The following ZNF385D variants were observed in gnomAD, a reference collection of about 807,000 sequenced individuals.
ZNF385D encodes zinc finger protein 385D.
Under a neutral mutation model 35.8 loss-of-function variants are expected in ZNF385D, and 15 were observed. The observed-to-expected ratio is 0.42, with a 90% CI of 0.28 to 0.64. ZNF385D has a LOEUF of 0.64. Ranked by LOEUF, ZNF385D falls within the 30% of genes least tolerant of loss-of-function variation. The pLI is 0.23. For synonymous variants in ZNF385D, 212 were observed against 186.8 expected (o/e 1.13, Z -1.10); for missense variants, 474 against 494.6 (o/e 0.96, Z 0.39).
Position 22,180,914 on chromosome 3 carries a change from C to CTTTTTTTTTTTTTTTTTTTTT in ZNF385D, c.107-11880_107-11879insAAAAAAAAAAAAAAAAAAAAA, listed in dbSNP as rs61668943. On this transcript the variant is annotated intron_variant, in intron 2 of 5. Coordinates refer to the ZNF385D transcript ENST00000494108. ...AATCCAGTAGCTATATGCTTTTGTTCTTTTTTTTTTTTTTTTAAGAGACAG... is the reference window on the plus strand; with the variant it reads ...AATCCAGTAGCTATATGCTTTTGTTCTTTTTTTTTTTTTTTTTTTTTTTTTTTTTTTTTTTTTAAGAGACAG... Among the ~76,000 whole-genome samples, 84 of 112,888 alleles carry CTTTTTTTTTTTTTTTTTTTTT rather than the reference C, an allele frequency of 7.4e-4. 4 individuals are homozygous for CTTTTTTTTTTTTTTTTTTTTT. The highest frequency in any genetic ancestry group is 9.9e-4 in the Non-Finnish European group (59 of 59,330). 74.1% of individuals were successfully genotyped at this position (112,888 alleles called of 152,430 possible).
intron 3 of ZNF385D, among the ~76,000 whole-genome samples, chr3:22,108,285 C>G (rs930891760): frequency 6.6e-6 from 1 of 152,030 alleles, no homozygotes; most frequent in Non-Finnish European, 1.5e-5. Context: ...CAATTTTGGT[C>G]AGAACATCTG....
intron 4 of ZNF385D, among the ~76,000 whole-genome samples, chr3:21,487,241 T>G (rs1431853138): frequency 6.6e-6 from 1 of 152,132 alleles, no homozygotes; most frequent in African/African-American, 2.4e-5. Flanking sequence ...CTCTTTAACA[T>G]TCCATAAAAT....
At chr3:22,107,147 C>T (rs549533984) in intron 3 of ZNF385D, among the ~76,000 whole-genome samples, 5 of 151,368 alleles carry the variant, frequency 3.3e-5, no homozygotes, top group Middle Eastern at 3.4e-3. Context: ...GCCTCAGCCC[C>T]GGAGTAGCTG....
At chr3:22,008,360 C>CATT (rs773952386) in intron 3 of ZNF385D, among the ~76,000 whole-genome samples, 8 of 131,934 alleles carry the variant, frequency 6.1e-5, no homozygotes, top group Admixed American at 1.5e-4. Flanking sequence ...CCATGATTTT[C>CATT]TTTTTTTTTT....
At chr3:21,569,383 AC>A (rs1459277730) in intron 2 of ZNF385D, among the ~76,000 whole-genome samples, 1 of 149,724 alleles carries the variant, frequency 6.7e-6, no homozygotes, top group Non-Finnish European at 1.5e-5. Context: ...TAGGATTGCA[AC>A]CCCTGCCTTT....
chr3:22,013,910 TC>T (rs1229192334), intron 3 of ZNF385D, among the ~76,000 whole-genome samples: 1 of 152,076 alleles, frequency 6.6e-6, no homozygotes, highest in Non-Finnish European at 1.5e-5. Context: ...ACAAAGCTCT[TC>T]AAGAATGCTG....
intron 3 of ZNF385D, among the ~76,000 whole-genome samples, chr3:22,164,145 T>C (rs888975549): frequency 1.3e-5 from 2 of 151,192 alleles, no homozygotes; most frequent in East Asian, 2.0e-4. Context: ...ATTTATGGCA[T>C]ATAACTAGGC....
intron 3 of ZNF385D, among the ~76,000 whole-genome samples, chr3:21,852,136 T>C (rs975411889): frequency 6.6e-6 from 1 of 152,064 alleles, no homozygotes; most frequent in Non-Finnish European, 1.5e-5. Flanking sequence ...ATAGTTTTTA[T>C]GAGCATCGGG....
At chr3:22,031,901 C>G (rs1407830838) in intron 3 of ZNF385D, among the ~76,000 whole-genome samples, 2 of 152,176 alleles carry the variant, frequency 1.3e-5, no homozygotes, top group South Asian at 4.1e-4. Flanking sequence ...TCAGAATCAG[C>G]TAGGCCATAT....
intron 3 of ZNF385D, among the ~76,000 whole-genome samples, chr3:22,116,510 G>C (rs1043680969): frequency 2.0e-5 from 3 of 152,032 alleles, no homozygotes; most frequent in African/African-American, 7.2e-5. Context: ...TGTAGTAAAA[G>C]TGGGTGAAGA....
At chr3:21,882,184 C>T (rs1489921013) in intron 3 of ZNF385D, among the ~76,000 whole-genome samples, 4 of 152,120 alleles carry the variant, frequency 2.6e-5, no homozygotes, top group African/African-American at 9.6e-5. Context: ...AAAATGCTAT[C>T]AAACAGCATT....
At chr3:21,909,062 G>C (rs1451643943) in intron 3 of ZNF385D, among the ~76,000 whole-genome samples, 5 of 151,868 alleles carry the variant, frequency 3.3e-5, no homozygotes, top group African/African-American at 2.4e-5. Flanking sequence ...TTTCTCTGAA[G>C]GTCTAAACAA....
chr3:22,192,082 C>G (rs753241444), intron 2 of ZNF385D, among the ~76,000 whole-genome samples: 2 of 152,126 alleles, frequency 1.3e-5, no homozygotes, highest in South Asian at 2.1e-4. Flanking sequence ...TCAAGTGATT[C>G]TTTCAACGAT....
Position 21,603,566 on chromosome 3 carries a change from A to AAT in ZNF385D, c.166-38884_166-38883dup, listed in dbSNP as rs539934020. On this transcript the variant is annotated intron_variant, in intron 2 of 7. Coordinates refer to ENST00000281523, the MANE Select transcript of ZNF385D (RefSeq NM_024697.3). Reference sequence around the variant, plus strand: ...ATAATGAGCTAGTTCTCTATAAGGTAATATATAATAACTCTAAACAAGTGA... The same window carrying AAT: ...ATAATGAGCTAGTTCTCTATAAGGTAATATATATAATAACTCTAAACAAGTGA... Among the ~76,000 whole-genome samples the AAT allele has an allele frequency of 1.5e-3, 236 of 152,346 alleles. 1 individual carries two copies. The highest frequency in any genetic ancestry group is 5.3e-3 in the African/African-American group (219 of 41,594).
At chr3:21,898,283 A>AC (rs1699236211) in intron 3 of ZNF385D, among the ~76,000 whole-genome samples, 1 of 151,640 alleles carries the variant, frequency 6.6e-6, no homozygotes, top group Admixed American at 6.6e-5. Context: ...CGCTAATAAA[A>AC]CCCCCCTGAG....
intron 3 of ZNF385D, among the ~76,000 whole-genome samples, chr3:21,854,563 T>C (rs1054030972): frequency 3.3e-5 from 5 of 152,010 alleles, no homozygotes. Context: ...TTTATTTTAC[T>C]CTGTGCCCTG....
chr3:21,531,592 A>T (rs972601876), intron 3 of ZNF385D, among the ~76,000 whole-genome samples: 1 of 152,244 alleles, frequency 6.6e-6, no homozygotes, highest in Non-Finnish European at 1.5e-5. Flanking sequence ...GTAATGAGCC[A>T]TCAAGCCATT....
chr3:21,733,578 G>A (rs186059133), intron 1 of ZNF385D, among the ~76,000 whole-genome samples: 357 of 152,176 alleles, frequency 2.3e-3, no homozygotes, highest in African/African-American at 8.1e-3. Flanking sequence ...ATTTTTCCAA[G>A]CACAAGTTAT....
chr3:22,032,219 C>T (rs551220002), intron 3 of ZNF385D, among the ~76,000 whole-genome samples: 1 of 152,340 alleles, frequency 6.6e-6, no homozygotes, highest in South Asian at 2.1e-4. Context: ...ACTGTTTCAA[C>T]CTCTGCCAGT....
Sources: gnomAD v4.1 joint callset for allele counts (sites outside exome capture counted in the v4.1 genomes callset) on GRCh38, gnomAD v4.1.1 for gene constraint, MANE v1.5 for transcripts, NCBI Gene and HGNC (gene_info 2026-07-23, HGNC 2026-07-21) for gene names.